The following CTDSP2 variants were observed in gnomAD, a reference collection of about 807,000 sequenced individuals.
CTDSP2 encodes the protein carboxy-terminal domain RNA polymerase II polypeptide A small phosphatase 2.
Under a neutral mutation model 31.6 loss-of-function variants are expected in CTDSP2, and 9 were observed. That is an observed-to-expected ratio of 0.28 (90% CI 0.17 to 0.50). CTDSP2 has a LOEUF of 0.50. Among genes scored for constraint, CTDSP2 ranks in the 20% least tolerant of loss-of-function variants. The probability of loss-of-function intolerance (pLI) is 0.98; values close to 1 mark genes in which losing one functional copy is unlikely to be tolerated. For synonymous variants in CTDSP2, 134 were observed against 134.5 expected (o/e 1.00, Z 0.03); for missense variants, 267 against 348.5 (o/e 0.77, Z 1.86).
intron 5 of CTDSP2, among the ~76,000 whole-genome samples, chr12:57,825,678 C>G (rs1375145893): frequency 6.6e-6 from 1 of 152,192 alleles, no homozygotes; most frequent in Non-Finnish European, 1.5e-5. Context: ...CCTGGGACTG[C>G]CTGGGCTGCA....
intron 1 of CTDSP2, among the ~76,000 whole-genome samples, chr12:57,845,103 A>G (rs1956306265): frequency 6.6e-6 from 1 of 152,096 alleles, no homozygotes; most frequent in Non-Finnish European, 1.5e-5. Flanking sequence ...GCCGCCCACC[A>G]GGCTCTAGGC....
At chr12:57,834,169 T>TC (rs1388906243) in intron 1 of CTDSP2, among the ~76,000 whole-genome samples, 4 of 151,036 alleles carry the variant, frequency 2.6e-5, no homozygotes, top group African/African-American at 9.7e-5. Flanking sequence ...CTGGAAAACT[T>TC]TTTTTTTTTC....
intron 1 of CTDSP2, among the ~76,000 whole-genome samples, chr12:57,832,826 A>T (rs1199831510): frequency 1.3e-5 from 2 of 149,612 alleles, no homozygotes; most frequent in East Asian, 2.0e-4. Flanking sequence ...AAAGGAAAAG[A>T]AAAAGAAAAA....
chr12:57,823,438 GC>G lies in CTDSP2; in HGVS notation c.*163del. 2.7e-6 allele frequency: 2 copies of G among 731,938 alleles called. No homozygotes were observed. The highest frequency in any genetic ancestry group is 3.5e-5 in the African/African-American group (2 of 56,600). 45.3% of individuals were successfully genotyped at this position (731,938 alleles called of 1,614,324 possible). A position where few individuals can be genotyped will look rare whatever the true frequency, so the allele number is the denominator to read the frequency against. On this transcript the variant is annotated 3_prime_UTR_variant, in exon 8 of 8. Coordinates refer to ENST00000398073, the MANE Select transcript of CTDSP2 (RefSeq NM_005730.4). ...TCTGGGTATCATTGGTCTGGCATTC[GC>G]CCACTCGGCATCTAAGCTGTCCTAA...
In CTDSP2 at chr12:57,838,466, G is replaced by A. The variant is rs1224309314; in HGVS notation, c.64+7906C>T. Among the ~76,000 whole-genome samples the A allele has an allele frequency of 2.0e-5, 3 of 152,194 alleles. No homozygotes were observed. The South Asian group carries it at 6.2e-4, about 32-fold the overall frequency. ...AGGTGTATAACAAGCCCCTGTGGGA[G>A]GGGCTACACACAGACAACCTCTCAG... On this transcript the variant is annotated intron_variant, in intron 1 of 7. Coordinates refer to ENST00000398073, the MANE Select transcript of CTDSP2 (RefSeq NM_005730.4).
rs1421068516 is a variant in CTDSP2, at chr12:57,822,173, G to A, written c.*1429C>T. 6.6e-6 allele frequency: 1 copy of A among 152,612 alleles called. No homozygotes were observed. Among genetic ancestry groups the A allele is most frequent in the Non-Finnish European group, 1.5e-5 (1 of 68,028 alleles). The allele number at this position is 152,612 out of a possible 1,614,324, so 9.5% of individuals were successfully genotyped here. A position where few individuals can be genotyped will look rare whatever the true frequency, so the allele number is the denominator to read the frequency against. ...AGGCCACGATTAAGGCAGTGATGCT[G>A]AGGTGGGGCTCCTTTTTGGGAGGCC... is the stretch of plus-strand genomic sequence containing the variant. On this transcript the variant is annotated 3_prime_UTR_variant, in exon 8 of 8. Transcript: ENST00000398073.
intron 1 of CTDSP2, among the ~76,000 whole-genome samples, chr12:57,831,103 TAAAAAA>T (rs11309444): frequency 1.6e-5 from 2 of 121,630 alleles, no homozygotes; most frequent in African/African-American, 6.6e-5. Context: ...GCCAAGCAGA[TAAAAAA>T]AAAAAAAAAA....
chr12:57,821,061 T>G lies in CTDSP2; in HGVS notation c.*2541A>C, dbSNP rs1198733535. ...AAGCGGCCTCCTCCCTGTCTTGCCCTCCAAAATTGAGTCTGGCCTGATTCC... is the reference window on the plus strand; with the variant it reads ...AAGCGGCCTCCTCCCTGTCTTGCCCGCCAAAATTGAGTCTGGCCTGATTCC... On this transcript the variant is annotated 3_prime_UTR_variant, in exon 8 of 8. Coordinates refer to ENST00000398073, the MANE Select transcript of CTDSP2 (RefSeq NM_005730.4). 12 of 152,180 alleles carry G rather than the reference T, an allele frequency of 7.9e-5. No individual in the cohort carries two copies. The highest frequency in any genetic ancestry group is 3.3e-4 in the Admixed American group (5 of 15,270). 9.4% of individuals were successfully genotyped at this position (152,180 alleles called of 1,614,324 possible).
At chr12:57,844,873 A>G (rs1956304561) in intron 1 of CTDSP2, among the ~76,000 whole-genome samples, 1 of 151,932 alleles carries the variant, frequency 6.6e-6, no homozygotes, top group South Asian at 2.1e-4. Context: ...CCGGCCAGTG[A>G]TGCAAGAGGA....
chr12:57,841,895 G>A, intron 1 of CTDSP2, among the ~76,000 whole-genome samples: 1 of 152,178 alleles, frequency 6.6e-6, no homozygotes, highest in East Asian at 1.9e-4. Flanking sequence ...CTACTTTATA[G>A]ATAAGTTACT....
intron 1 of CTDSP2, among the ~76,000 whole-genome samples, chr12:57,844,847 C>A (rs1956304298): frequency 6.6e-6 from 1 of 151,988 alleles, no homozygotes; most frequent in South Asian, 2.1e-4. Flanking sequence ...CTTCTCAGGG[C>A]AGGCTTATTT....
At chr12:57,836,971 G>C (rs1263825998) in intron 1 of CTDSP2, 1 of 152,100 alleles carries the variant, frequency 6.6e-6, no homozygotes, top group Non-Finnish European at 1.5e-5. Flanking sequence ...CCTTAGCCTG[G>C]CTATCACTAT....
In CTDSP2 at chr12:57,846,630, G is replaced by C. The variant is rs7979384; in HGVS notation, c.-195C>G. The C allele has an allele frequency of 2.8e-3, 1,320 of 472,334 alleles. 18 individuals are homozygous for C. Among genetic ancestry groups the C allele is most frequent in the African/African-American group, 0.025 (1,213 of 48,326 alleles). 29.3% of individuals were successfully genotyped at this position (472,334 alleles called of 1,614,324 possible). On this transcript the variant is annotated 5_prime_UTR_variant, in exon 1 of 8. Coordinates refer to ENST00000398073, the MANE Select transcript of CTDSP2 (RefSeq NM_005730.4). ...CCTGTACAAAGGGCGGGCGGCCCGG[G>C]CAGCGGCTCCCCCGGGTGCCCCCGG...
intron 1 of CTDSP2, among the ~76,000 whole-genome samples, chr12:57,839,509 G>A (rs991680858): frequency 1.3e-5 from 2 of 152,136 alleles, no homozygotes; most frequent in Non-Finnish European, 2.9e-5. Context: ...ATGAGGTCAG[G>A]AGATCAAGAC....
chr12:57,825,856 A>T (rs1956179515), intron 5 of CTDSP2, among the ~76,000 whole-genome samples: 1 of 152,072 alleles, frequency 6.6e-6, no homozygotes. Flanking sequence ...CTAGCTATTC[A>T]CAGTGGGGGT....
At chr12:57,831,301 C>G (rs1956214242) in intron 1 of CTDSP2, among the ~76,000 whole-genome samples, 1 of 151,652 alleles carries the variant, frequency 6.6e-6, no homozygotes, top group African/African-American at 2.4e-5. Context: ...ACTAAAAATA[C>G]AAAACAGCCG....
intron 4 of CTDSP2, among the ~76,000 whole-genome samples, chr12:57,826,787 C>T (rs951630228): frequency 1.3e-5 from 2 of 152,172 alleles, no homozygotes; most frequent in African/African-American, 4.8e-5. Flanking sequence ...GAGATAGCAG[C>T]CCTGGTGGAA....
chr12:57,825,962 G>A (rs2140474101), intron 5 of CTDSP2, among the ~76,000 whole-genome samples: 1 of 152,244 alleles, frequency 6.6e-6, no homozygotes, highest in South Asian at 2.1e-4. Context: ...CCTGGTTAAG[G>A]TATCTTAACA....
intron 1 of CTDSP2, among the ~76,000 whole-genome samples, chr12:57,839,351 C>T (rs894477252): frequency 6.6e-6 from 1 of 152,154 alleles, no homozygotes; most frequent in African/African-American, 2.4e-5. Flanking sequence ...GAAAGGTTTC[C>T]CCTGCATGGT....
Sources: allele counts gnomAD v4.1 joint callset (sites outside exome capture counted in the v4.1 genomes callset), GRCh38; gene constraint gnomAD v4.1.1; transcripts MANE v1.5; gene names NCBI Gene and HGNC (gene_info 2026-07-23, HGNC 2026-07-21).